The following TMPRSS11D variants were observed in gnomAD, a reference collection of about 807,000 sequenced individuals.
TMPRSS11D encodes the protein transmembrane protease serine 11D.
In TMPRSS11D, 32 loss-of-function variants were observed where a neutral mutation model predicts 44.4. The ratio of observed to expected loss-of-function variants is 0.72; its 90% confidence interval spans 0.54 to 0.97. The LOEUF (loss-of-function observed/expected upper bound fraction) is 0.97, where lower values mean the gene tolerates loss of function less well. Ranked by LOEUF, TMPRSS11D falls within the 50% of genes least tolerant of loss-of-function variation. The pLI, the probability that TMPRSS11D is intolerant of heterozygous loss-of-function variation, is 0.00. For missense variants in TMPRSS11D, 446 were observed against 502.6 expected (o/e 0.89, Z 1.08); for synonymous variants, 179 against 177.9 (o/e 1.01, Z -0.05).
chr4:67,843,755 C>T (rs1375103408), intron 3 of TMPRSS11D, among the ~76,000 whole-genome samples: 1 of 152,080 alleles, frequency 6.6e-6, no homozygotes, highest in Non-Finnish European at 1.5e-5. Context: ...AACTCCGTCT[C>T]TACTAAAAAT....
At chr4:67,842,431 A>G (rs1718254370) in intron 4 of TMPRSS11D, 127 bp downstream of exon 4, 3 of 889,618 alleles carry the variant, frequency 3.4e-6, no homozygotes, top group South Asian at 1.6e-5. Context: ...TAAGCTGACT[A>G]AAATACTATT....
chr4:67,869,244 A>G (rs1718995745), intron 1 of TMPRSS11D, among the ~76,000 whole-genome samples: 1 of 152,126 alleles, frequency 6.6e-6, no homozygotes, highest in Non-Finnish European at 1.5e-5. Context: ...GCTCTGAAAA[A>G]GAGTATTGGA....
At chr4:67,830,114 T>G (rs1717908781) in intron 7 of TMPRSS11D, among the ~76,000 whole-genome samples, 1 of 152,102 alleles carries the variant, frequency 6.6e-6, no homozygotes, top group South Asian at 2.1e-4. Flanking sequence ...GTGCATCAGA[T>G]GAAAATTCCA....
chr4:67,873,979 A>T (rs1214695227), intron 1 of TMPRSS11D, among the ~76,000 whole-genome samples: 1 of 152,174 alleles, frequency 6.6e-6, no homozygotes, highest in Admixed American at 6.5e-5. Context: ...ATATAACAAC[A>T]TCTTTGTCAA....
At chr4:67,834,191 G>T (rs985704086) in intron 6 of TMPRSS11D, among the ~76,000 whole-genome samples, 1 of 152,042 alleles carries the variant, frequency 6.6e-6, no homozygotes, top group East Asian at 1.9e-4. Flanking sequence ...GAAATTAATG[G>T]TAAATCACAC....
Position 67,822,203 on chromosome 4 carries a change from G to T in TMPRSS11D, c.*134C>A. ...AATAAAGAAAGGTTAAACAGTGTTT[G>T]TTAAACCATATTTATGTAACAAGAT... On this transcript the variant is annotated 3_prime_UTR_variant, in exon 10 of 10. Coordinates refer to ENST00000283916, the MANE Select transcript of TMPRSS11D (RefSeq NM_004262.3). The T allele has an allele frequency of 9.6e-7, 1 of 1,039,998 alleles. No homozygotes were observed. The highest frequency in any genetic ancestry group is 1.4e-6 in the Non-Finnish European group (1 of 711,694). 64.4% of individuals were successfully genotyped at this position (1,039,998 alleles called of 1,614,324 possible).
intron 3 of TMPRSS11D, among the ~76,000 whole-genome samples, chr4:67,847,268 T>C (rs2109677546): frequency 6.6e-6 from 1 of 152,302 alleles, no homozygotes; most frequent in South Asian, 2.1e-4. Context: ...ATGTGTCTAG[T>C]ATGTATTAAA....
At chr4:67,867,762 C>T (rs955720449) in intron 1 of TMPRSS11D, among the ~76,000 whole-genome samples, 1 of 151,918 alleles carries the variant, frequency 6.6e-6, no homozygotes, top group African/African-American at 2.4e-5. Flanking sequence ...CAAATTAAAA[C>T]CACGATGAGA....
In TMPRSS11D at chr4:67,872,025, T is replaced by G. The variant is rs573915373; in HGVS notation, c.8+11901A>C. On this transcript the variant is annotated intron_variant, in intron 1 of 9. Transcript: ENST00000283916. ...AGAGAGAGCCCTGACAGGTTAGTTA[T>G]GTCCTTACTGATTAATGTTAGTTAG... 4.6e-5 allele frequency among the ~76,000 whole-genome samples: 7 copies of G among 152,276 alleles called. No individual in the cohort carries two copies. The South Asian group carries it at 1.5e-3, about 32-fold the overall frequency.
In TMPRSS11D at chr4:67,834,264, T is replaced by C. The variant is rs184023688; in HGVS notation, c.514+819A>G. Among the ~76,000 whole-genome samples, 308 of 152,152 alleles carry C rather than the reference T, an allele frequency of 2.0e-3. 1 individual carries two copies. The highest frequency in any genetic ancestry group is 5.5e-3 in the African/African-American group (228 of 41,520). ...TTAATAGCACAACCACCTAAAGGCTTTTTTTTCCTAGCAAATTTCCTGGAT... is the reference window on the plus strand; with the variant it reads ...TTAATAGCACAACCACCTAAAGGCTCTTTTTTCCTAGCAAATTTCCTGGAT... On this transcript the variant is annotated intron_variant, in intron 6 of 9. Coordinates refer to ENST00000283916, the MANE Select transcript of TMPRSS11D (RefSeq NM_004262.3).
intron 1 of TMPRSS11D, among the ~76,000 whole-genome samples, chr4:67,877,540 A>G (rs977004193): frequency 2.0e-5 from 3 of 152,170 alleles, no homozygotes; most frequent in African/African-American, 7.2e-5. Context: ...ACATATCTCT[A>G]TTCAGTGCTT....
At chr4:67,832,467 A>G (rs1406516650) in intron 7 of TMPRSS11D, among the ~76,000 whole-genome samples, 2 of 152,000 alleles carry the variant, frequency 1.3e-5, no homozygotes, top group African/African-American at 2.4e-5. Context: ...AGTTTATGCA[A>G]CCTACTCGCC....
At position 67,822,239 on chromosome 4, in the gene TMPRSS11D, G is replaced by T; in HGVS notation, c.*98C>A. On this transcript the variant is annotated 3_prime_UTR_variant, in exon 10 of 10. Coordinates refer to ENST00000283916, the MANE Select transcript of TMPRSS11D (RefSeq NM_004262.3). Reference sequence around the variant, plus strand: ...TTTATGTAACAAGATGTTAAATTAGGACATTTCTAGTTTCTTTTTCAGTTG... The same window carrying T: ...TTTATGTAACAAGATGTTAAATTAGTACATTTCTAGTTTCTTTTTCAGTTG... 1.5e-6 allele frequency: 2 copies of T among 1,291,378 alleles called. No homozygotes were observed. Among genetic ancestry groups the T allele is most frequent in the South Asian group, 1.4e-5 (1 of 70,914 alleles). The allele number at this position is 1,291,378 out of a possible 1,614,324, so 80.0% of individuals were successfully genotyped here. A position where few individuals can be genotyped will look rare whatever the true frequency, so the allele number is the denominator to read the frequency against.
chr4:67,868,251 T>C (rs1718972037), intron 1 of TMPRSS11D, among the ~76,000 whole-genome samples: 1 of 152,074 alleles, frequency 6.6e-6, no homozygotes, highest in Non-Finnish European at 1.5e-5. Context: ...GGGAGCTAAA[T>C]AATGTGCACG....
chr4:67,854,148 G>A lies in TMPRSS11D; in HGVS notation c.169C>T (p.Leu57=). Reference sequence around the variant, plus strand: ...AACTGACTATTATATTCAACATTTAGGAGTTGAAAACTGCTCCTATAAAAG... The same window carrying A: ...AACTGACTATTATATTCAACATTTAAGAGTTGAAAACTGCTCCTATAAAAG... ...SYFYRSSFQL[L]NVEYNSQLNS... The change falls in exon 3 of 10, where the codon CTA becomes TTA. Residue 57 remains leucine, a synonymous_variant. Coordinates refer to ENST00000283916, the MANE Select transcript of TMPRSS11D (RefSeq NM_004262.3). 6.3e-7 allele frequency: 1 copy of A among 1,594,932 alleles called. No homozygotes were observed. Among genetic ancestry groups the A allele is most frequent in the African/African-American group, 1.4e-5 (1 of 73,982 alleles).
At position 67,827,344 on chromosome 4, in the gene TMPRSS11D, C is replaced by G. The variant is rs1560536380; in HGVS notation, c.869G>C (p.Ser290Thr). 1 of 1,613,320 alleles carries G rather than the reference C, an allele frequency of 6.2e-7. No individual in the cohort carries two copies. Among genetic ancestry groups the G allele is most frequent in the Non-Finnish European group, 8.5e-7 (1 of 1,179,582 alleles). Residue 290 changes from serine to threonine, a missense_variant, in exon 8 of 10, where the codon AGT (serine) becomes ACT (threonine). Coordinates refer to ENST00000283916, the MANE Select transcript of TMPRSS11D (RefSeq NM_004262.3). Reference sequence around the variant, plus strand: ...CTGGGTAGCAGCTGGGAGACACACACTATGGATATCTTTGGTAAAGGTGAC... The same window carrying G: ...CTGGGTAGCAGCTGGGAGACACACAGTATGGATATCTTTGGTAAAGGTGAC... ...NSVTFTKDIH[S>T]VCLPAATQNI...
intron 9 of TMPRSS11D, among the ~76,000 whole-genome samples, chr4:67,823,575 C>T (rs748417773): frequency 6.6e-6 from 1 of 152,072 alleles, no homozygotes; most frequent in South Asian, 2.1e-4. Flanking sequence ...ATAGTCAGTA[C>T]TAATAAAAGT....
chr4:67,828,285 T>C (rs1221678512), intron 7 of TMPRSS11D, among the ~76,000 whole-genome samples: 3 of 151,978 alleles, frequency 2.0e-5, no homozygotes, highest in Non-Finnish European at 1.5e-5. Context: ...CAAAAAAACG[T>C]CAAATTTATG....
At chr4:67,838,573 A>G (rs745343895) in intron 4 of TMPRSS11D, among the ~76,000 whole-genome samples, 20 of 152,218 alleles carry the variant, frequency 1.3e-4, no homozygotes, top group Middle Eastern at 6.8e-3. Context: ...ATAATGCCAG[A>G]GTTTTACTGT....
Sources: allele counts gnomAD v4.1 joint callset (sites outside exome capture counted in the v4.1 genomes callset), GRCh38; gene constraint gnomAD v4.1.1; transcripts MANE v1.5; gene names NCBI Gene and HGNC (gene_info 2026-07-23, HGNC 2026-07-21).